IPO9: variants seen among roughly 807,000 people sequenced by gnomAD.
The protein encoded by IPO9 is importin-9.
In IPO9, 28 loss-of-function variants were observed where a neutral mutation model predicts 128.6. That is an observed-to-expected ratio of 0.22 (90% CI 0.16 to 0.30). IPO9 has a LOEUF of 0.30. Among genes scored for constraint, IPO9 ranks in the 10% least tolerant of loss-of-function variants. The pLI is 1.00. For missense variants in IPO9, 935 were observed against 1,293.9 expected (o/e 0.72, Z 4.26); for synonymous variants, 455 against 475.8 (o/e 0.96, Z 0.57).
chr1:201,854,231 C>A (rs1468941571), intron 6 of IPO9, among the ~76,000 whole-genome samples: 1 of 152,346 alleles, frequency 6.6e-6, no homozygotes, highest in East Asian at 1.9e-4. Context: ...CTTCTTCAAA[C>A]ACCTTATCCT....
chr1:201,874,109 T>C (rs1287306091), intron 20 of IPO9, 141 bp from the exon 21 acceptor site: 4 of 821,764 alleles, frequency 4.9e-6, no homozygotes, highest in South Asian at 3.4e-5. Flanking sequence ...TAAGTCACTC[T>C]TTGGAGACTG....
At position 201,884,011 on chromosome 1, in the gene IPO9, T is replaced by G. The variant is rs1680937403; in HGVS notation, c.*7957T>G. 6.6e-6 allele frequency: 1 copy of G among 152,250 alleles called. No individual in the cohort carries two copies. The highest frequency in any genetic ancestry group is 1.5e-5 in the Non-Finnish European group (1 of 68,050). 9.4% of individuals were successfully genotyped at this position (152,250 alleles called of 1,614,324 possible). A position where few individuals can be genotyped will look rare whatever the true frequency, so the allele number is the denominator to read the frequency against. On this transcript the variant is annotated 3_prime_UTR_variant, in exon 24 of 24. Transcript: ENST00000361565. ...GGGTTGAACCGAACGGTAGTCCGTT[T>G]CCAAAAGAGGAAGCCAAGACCAGAG... is the stretch of plus-strand genomic sequence containing the variant.
intron 8 of IPO9, 35 bp from the exon 9 acceptor site, chr1:201,855,089 G>T: frequency 7.0e-7 from 1 of 1,427,430 alleles, no homozygotes; most frequent in South Asian, 1.2e-5. Flanking sequence ...ATGTAAAGCA[G>T]ACTCCAAATT....
intron 15 of IPO9, among the ~76,000 whole-genome samples, chr1:201,867,278 GCCT>G (rs145560299): frequency 0.014 from 2,130 of 152,154 alleles, 54 homozygotes; most frequent in African/African-American, 0.049. Context: ...CAAATGAAAA[GCCT>G]CCTAAAAGAA....
chr1:201,838,115 GA>G (rs1246686775), intron 1 of IPO9, among the ~76,000 whole-genome samples: 2 of 152,146 alleles, frequency 1.3e-5, no homozygotes, highest in Non-Finnish European at 1.5e-5. Context: ...GATAATTTGT[GA>G]ATGTGCTTGT....
In IPO9 at chr1:201,870,522, G is replaced by A. The variant is rs1680629076; in HGVS notation, c.2134-61G>A. The A allele has an allele frequency of 3.2e-6, 5 of 1,562,760 alleles. No individual in the cohort carries two copies. The South Asian group carries it at 6.0e-5, about 19-fold the overall frequency. ...CTGGGAACATTTGTTTATACAGACT[G>A]AGGGCCTTCTGGCATCTGTCCCTCG... On this transcript the variant is annotated intron_variant, in intron 17 of 23. Coordinates refer to ENST00000361565, the MANE Select transcript of IPO9 (RefSeq NM_018085.5). The surrounding 1 kb of genome is among the most constrained non-coding windows in gnomAD (Gnocchi z 4.9).
At chr1:201,857,271 A>G (rs1404025089) in intron 11 of IPO9, 77 bp downstream of exon 11, 1 of 956,236 alleles carries the variant, frequency 1.0e-6, no homozygotes, top group Non-Finnish European at 1.7e-6. Flanking sequence ...TAGACAACTA[A>G]TCCAAGGTGA....
intron 6 of IPO9, among the ~76,000 whole-genome samples, chr1:201,853,438 G>A (rs1420724822): frequency 6.6e-6 from 1 of 152,086 alleles, no homozygotes; most frequent in Non-Finnish European, 1.5e-5. Flanking sequence ...TCACTGTATT[G>A]CCCAGGCTGG....
intron 1 of IPO9, among the ~76,000 whole-genome samples, chr1:201,844,609 G>T (rs1254426654): frequency 6.6e-6 from 1 of 152,212 alleles, no homozygotes; most frequent in African/African-American, 2.4e-5. Context: ...TATGTAAGAG[G>T]AAAATGGATG....
intron 1 of IPO9, among the ~76,000 whole-genome samples, chr1:201,833,459 G>A (rs1405707727): frequency 6.6e-6 from 1 of 151,986 alleles, no homozygotes; most frequent in Non-Finnish European, 1.5e-5. Context: ...GGCTGGTCTC[G>A]AACTCCTGAC....
At chr1:201,862,356 G>C (rs1680465822) in intron 13 of IPO9, among the ~76,000 whole-genome samples, 1 of 152,046 alleles carries the variant, frequency 6.6e-6, no homozygotes, top group Non-Finnish European at 1.5e-5. Flanking sequence ...TGCTCGGGAG[G>C]CTGAGGCAGG....
chr1:201,832,275 C>T (rs1242593688), intron 1 of IPO9, among the ~76,000 whole-genome samples: 1 of 146,094 alleles, frequency 6.8e-6, no homozygotes, highest in African/African-American at 2.5e-5. Context: ...TTTTTGAGAC[C>T]GAGTCTCACT....
intron 12 of IPO9, 65 bp from the exon 13 acceptor site, chr1:201,858,790 T>A (rs1370164034): frequency 6.6e-7 from 1 of 1,511,994 alleles, no homozygotes; most frequent in Non-Finnish European, 9.0e-7. Context: ...GAATCTTGTT[T>A]CCTCAAATAT....
intron 13 of IPO9, among the ~76,000 whole-genome samples, chr1:201,860,147 A>G (rs910346235): frequency 1.2e-4 from 18 of 152,212 alleles, no homozygotes; most frequent in African/African-American, 3.9e-4. Flanking sequence ...CAGTACTTAA[A>G]TCATGGAACC....
chr1:201,831,034 G>A (rs1051091279), intron 1 of IPO9, among the ~76,000 whole-genome samples: 6 of 151,834 alleles, frequency 4.0e-5, no homozygotes, highest in African/African-American at 1.5e-4. Context: ...ACTGGGTCTC[G>A]CTCTATCGTG....
chr1:201,854,932 T>C lies in IPO9; in HGVS notation c.911+9T>C. The C allele has an allele frequency of 6.3e-7, 1 of 1,582,466 alleles. No homozygotes were observed. Among genetic ancestry groups the C allele is most frequent in the Non-Finnish European group, 8.6e-7 (1 of 1,168,148 alleles). On this transcript the variant is annotated intron_variant, in intron 8 of 23. Coordinates refer to ENST00000361565, the MANE Select transcript of IPO9 (RefSeq NM_018085.5). Reference sequence around the variant, plus strand: ...ACCGAGAGTGCAGCTTTATATCCTTTCTTGAAAGTTTAAGGGAGCTACTAC... The same window carrying C: ...ACCGAGAGTGCAGCTTTATATCCTTCCTTGAAAGTTTAAGGGAGCTACTAC...
intron 16 of IPO9, among the ~76,000 whole-genome samples, chr1:201,869,052 A>T (rs6694265): frequency 0.054 from 8,212 of 152,154 alleles, 762 homozygotes; most frequent in African/African-American, 0.19. Context: ...GGAGTTCGAG[A>T]CCAGCCTGGC....
chr1:201,873,707 A>G (rs1680703425), intron 20 of IPO9, among the ~76,000 whole-genome samples: 1 of 152,140 alleles, frequency 6.6e-6, no homozygotes, highest in Non-Finnish European at 1.5e-5. Context: ...AGATCACGCC[A>G]TTGCACTCCA....
In IPO9 at chr1:201,854,916, G is replaced by A. The variant is rs920502016; in HGVS notation, c.904G>A (p.Ala302Thr). 2 of 1,600,306 alleles carry A rather than the reference G, an allele frequency of 1.2e-6. No individual in the cohort carries two copies. Among genetic ancestry groups the A allele is most frequent in the Non-Finnish European group, 1.7e-6 (2 of 1,175,568 alleles). Residue 302 changes from alanine (A) to threonine (T), a missense_variant, in exon 8 of 24, where the codon GCA becomes ACA. Ala to Thr is a moderately conservative substitution (Grantham distance 58, BLOSUM62 0). This residue lies in a region of IPO9 where 741 missense variants were observed against 1,019.1 expected (regional missense o/e 0.73). Transcript: ENST00000361565. ...TGTTTGGAACACCCTAACCGAGAGT[G>A]CAGCTTTATATCCTTTCTTGAAAGT... ...PIVWNTLTES[A>T]AFYVRTEVNY...
Sources: gnomAD v4.1 joint callset for allele counts (sites outside exome capture counted in the v4.1 genomes callset) on GRCh38, gnomAD v4.1.1 for gene constraint, gnomAD v4.1.1 regional missense constraint, Gnocchi (gnomAD v3.1) non-coding constraint, MANE v1.5 for transcripts, NCBI Gene and HGNC (gene_info 2026-07-23, HGNC 2026-07-21) for gene names.